The following PAM variants were observed in gnomAD, a reference collection of about 807,000 sequenced individuals.
PAM encodes peptidyl-glycine alpha-amidating monooxygenase.
PAM carries 72 observed loss-of-function variants against 122.1 expected under a neutral mutation model. That is an observed-to-expected ratio of 0.59 (90% CI 0.49 to 0.72). The LOEUF (loss-of-function observed/expected upper bound fraction) is 0.72. Ranked by LOEUF, PAM falls within the 30% of genes least tolerant of loss-of-function variation. The pLI is 0.00. For missense variants in PAM, 1,106 were observed against 1,183.7 expected, an observed-to-expected ratio of 0.93 and a Z score of 0.96; for synonymous variants, 389 against 404.4, an observed-to-expected ratio of 0.96 and a Z score of 0.46.
intron 14 of PAM, among the ~76,000 whole-genome samples, chr5:102,971,262 A>T (rs913116969): frequency 2.0e-5 from 3 of 152,210 alleles, no homozygotes; most frequent in Non-Finnish European, 4.4e-5. Flanking sequence ...TAATTTAGTG[A>T]CACCTACTTT....
In PAM at chr5:103,007,557, T is replaced by G. The variant is rs759131026; in HGVS notation, c.2115T>G (p.Asn705Lys). 6.2e-7 allele frequency: 1 copy of G among 1,613,894 alleles called. No homozygotes were observed. The highest frequency in any genetic ancestry group is 1.7e-5 in the Admixed American group (1 of 59,984). The change falls in exon 20 of 26, where the codon AAT becomes AAG. Residue 705 changes from asparagine to lysine, a missense_variant. By Grantham distance (94) the Asn-to-Lys change is moderately conservative. Transcript: ENST00000438793. Reference protein sequence around the residue: ...LGQLCVADRENGRIQCFKTDT... With the variant: ...LGQLCVADREKGRIQCFKTDT... ...AATTATGTGTGGCAGACCGGGAAAATGGTCGGATCCAGTGTTTTAAAACTG... is the reference window on the plus strand; with the variant it reads ...AATTATGTGTGGCAGACCGGGAAAAGGGTCGGATCCAGTGTTTTAAAACTG...
At chr5:102,937,288 A>AT (rs946660115) in intron 7 of PAM, among the ~76,000 whole-genome samples, 35 of 152,048 alleles carry the variant, frequency 2.3e-4, no homozygotes, top group Non-Finnish European at 3.8e-4. Context: ...ATATTCCTTC[A>AT]TTTTTTTACA....
intron 1 of PAM, among the ~76,000 whole-genome samples, chr5:102,757,794 A>C (rs1225913582): frequency 6.6e-6 from 1 of 152,148 alleles, no homozygotes; most frequent in African/African-American, 2.4e-5. Context: ...TAATCCCAAC[A>C]CTTTGAGAGG....
chr5:102,755,553 G>A (rs955312353), intron 1 of PAM: 2 of 152,408 alleles, frequency 1.3e-5, no homozygotes, highest in East Asian at 3.9e-4. Context: ...GGAGGATTTT[G>A]GGGACTGAGC....
chr5:102,761,232 T>G lies in PAM; in HGVS notation c.-374+5884T>G, dbSNP rs148283950. Reference sequence around the variant, plus strand: ...AGGAGGGAACTGGACTCAAAAAATATAAAACATAATACTTTAAAGTACAAC... The same window carrying G: ...AGGAGGGAACTGGACTCAAAAAATAGAAAACATAATACTTTAAAGTACAAC... On this transcript the variant is annotated intron_variant, in intron 1 of 25. Transcript: ENST00000438793. 2.0e-3 allele frequency among the ~76,000 whole-genome samples: 300 copies of G among 152,262 alleles called. 1 individual carries two copies. The highest frequency in any genetic ancestry group is 3.4e-3 in the Middle Eastern group (1 of 294).
intron 1 of PAM, among the ~76,000 whole-genome samples, chr5:102,833,909 T>C (rs533671164): frequency 6.6e-6 from 1 of 152,260 alleles, no homozygotes; most frequent in East Asian, 1.9e-4. Context: ...TACACAAACA[T>C]TATGTGTTTG....
At chr5:102,878,036 A>C (rs1447642295) in intron 3 of PAM, among the ~76,000 whole-genome samples, 1 of 151,586 alleles carries the variant, frequency 6.6e-6, no homozygotes, top group East Asian at 1.9e-4. Context: ...TCAAAAAAAA[A>C]GAAAAAAAAT....
At chr5:103,013,330 A>G (rs1476061638) in intron 21 of PAM, among the ~76,000 whole-genome samples, 3 of 152,104 alleles carry the variant, frequency 2.0e-5, no homozygotes, top group Admixed American at 1.3e-4. Context: ...TGGCTATTGT[A>G]AATAGGATTA....
chr5:102,831,903 G>A (rs771745208), intron 1 of PAM, among the ~76,000 whole-genome samples: 4 of 148,938 alleles, frequency 2.7e-5, no homozygotes, highest in African/African-American at 9.9e-5. Flanking sequence ...TCCCCCGCCC[G>A]CCCCTGTCTC....
intron 18 of PAM, among the ~76,000 whole-genome samples, chr5:103,005,584 C>A (rs143920962): frequency 6.6e-6 from 1 of 152,214 alleles, no homozygotes; most frequent in East Asian, 1.9e-4. Flanking sequence ...TCTGTTATCT[C>A]TTCTTATGGC....
intron 1 of PAM, among the ~76,000 whole-genome samples, chr5:102,778,033 G>A (rs550903858): frequency 6.6e-5 from 10 of 152,116 alleles, no homozygotes; most frequent in Admixed American, 2.0e-4. Context: ...GCATTGTGCC[G>A]TCTTGGGGTT....
intron 1 of PAM, among the ~76,000 whole-genome samples, chr5:102,762,613 C>T (rs1470944180): frequency 1.3e-5 from 2 of 151,934 alleles, no homozygotes; most frequent in Non-Finnish European, 2.9e-5. Context: ...CTCCTTCTTT[C>T]CCTGGGGAGA....
chr5:102,895,226 C>T (rs868054317), intron 3 of PAM, among the ~76,000 whole-genome samples: 1 of 151,780 alleles, frequency 6.6e-6, no homozygotes, highest in South Asian at 2.1e-4. Flanking sequence ...TTGCCAACCC[C>T]CCTTGACCTA....
chr5:103,000,145 A>C (rs920122019), intron 16 of PAM, among the ~76,000 whole-genome samples: 22 of 152,224 alleles, frequency 1.4e-4, no homozygotes, highest in Non-Finnish European at 2.4e-4. Context: ...ATGAGCACTC[A>C]AGTTACACCT....
chr5:102,816,753 C>T (rs1386998846), intron 1 of PAM, among the ~76,000 whole-genome samples: 1 of 152,086 alleles, frequency 6.6e-6, no homozygotes, highest in Non-Finnish European at 1.5e-5. Context: ...AAAGTTCAGT[C>T]CTACTTTCTT....
intron 1 of PAM, among the ~76,000 whole-genome samples, chr5:102,835,007 T>G (rs1561578398): frequency 6.6e-6 from 1 of 152,178 alleles, no homozygotes. Flanking sequence ...CTGTTGATTT[T>G]TCGGTCTGAA....
intron 4 of PAM, among the ~76,000 whole-genome samples, chr5:102,906,666 T>A (rs958155744): frequency 6.6e-6 from 1 of 151,672 alleles, no homozygotes; most frequent in Non-Finnish European, 1.5e-5. Context: ...ATAGGGTCAT[T>A]GAGAAGTAAA....
chr5:102,906,289 C>A (rs553910389), intron 4 of PAM, among the ~76,000 whole-genome samples: 2 of 149,760 alleles, frequency 1.3e-5, no homozygotes, highest in African/African-American at 4.8e-5. Flanking sequence ...CCTACCACCT[C>A]CTCCCAGCTA....
At chr5:102,800,228 G>C (rs1253128334) in intron 1 of PAM, among the ~76,000 whole-genome samples, 2 of 152,094 alleles carry the variant, frequency 1.3e-5, no homozygotes, top group East Asian at 1.9e-4. Context: ...TATGCATCAT[G>C]TTCCTTCCCC....
Sources: gnomAD v4.1 joint callset for allele counts (sites outside exome capture counted in the v4.1 genomes callset) on GRCh38, gnomAD v4.1.1 for gene constraint, MANE v1.5 for transcripts, NCBI Gene and HGNC (gene_info 2026-07-23, HGNC 2026-07-21) for gene names.